CFAP57: variants seen among roughly 807,000 people sequenced by gnomAD.
CFAP57 encodes cilia and flagella associated protein 57.
In CFAP57, 116 loss-of-function variants were observed where a neutral mutation model predicts 146.8. The ratio of observed to expected loss-of-function variants is 0.79; its 90% CI spans 0.68 to 0.92. CFAP57 has a LOEUF of 0.92. Ranked by LOEUF, CFAP57 falls within the 40% of genes least tolerant of loss-of-function variation. CFAP57 has a pLI of 0.00. For missense variants in CFAP57, 1,377 were observed against 1,527.2 expected, an observed-to-expected ratio of 0.90 and a Z score of 1.64; for synonymous variants, 518 against 552.8, an observed-to-expected ratio of 0.94 and a Z score of 0.88.
intron 12 of CFAP57, among the ~76,000 whole-genome samples, chr1:43,218,887 C>T (rs903874644): frequency 2.6e-5 from 4 of 152,104 alleles, no homozygotes; most frequent in African/African-American, 9.7e-5. Flanking sequence ...ACATTGTTCC[C>T]GTACTTGGGA....
At chr1:43,198,739 A>G (rs1056541312) in intron 8 of CFAP57, 93 bp downstream of exon 8, 2 of 1,381,534 alleles carry the variant, frequency 1.4e-6, no homozygotes, top group Middle Eastern at 2.2e-4. Context: ...AGGTGGGACC[A>G]AAATCTGTCT....
intron 17 of CFAP57, among the ~76,000 whole-genome samples, chr1:43,226,088 G>A (rs920322696): frequency 7.2e-5 from 11 of 152,218 alleles, no homozygotes; most frequent in African/African-American, 2.2e-4. Context: ...CAGGAGAATC[G>A]CTTGAACTTG....
At chr1:43,178,459 C>G (rs1172134090) in intron 2 of CFAP57, among the ~76,000 whole-genome samples, 1 of 152,132 alleles carries the variant, frequency 6.6e-6, no homozygotes, top group African/African-American at 2.4e-5. Flanking sequence ...ACAACCCCAT[C>G]AAAAAGTGGG....
At chr1:43,195,709 C>A (rs936728252) in intron 6 of CFAP57, among the ~76,000 whole-genome samples, 1 of 151,968 alleles carries the variant, frequency 6.6e-6, no homozygotes, top group African/African-American at 2.4e-5. Context: ...ATAGATGATT[C>A]CTTAAAAATT....
chr1:43,199,560 A>G, intron 9 of CFAP57, 57 bp downstream of exon 9: 2 of 1,463,218 alleles, frequency 1.4e-6, no homozygotes, highest in Non-Finnish European at 1.9e-6. Flanking sequence ...GTATGCCGCC[A>G]GCCAGTGGGA....
At chr1:43,215,020 A>T (rs574661393) in intron 11 of CFAP57, among the ~76,000 whole-genome samples, 1 of 152,266 alleles carries the variant, frequency 6.6e-6, no homozygotes, top group Admixed American at 6.5e-5. Context: ...CGTTCTAGAT[A>T]ATAGCTGACT....
chr1:43,179,196 A>G (rs375137642), intron 2 of CFAP57, among the ~76,000 whole-genome samples: 1 of 152,246 alleles, frequency 6.6e-6, no homozygotes, highest in East Asian at 1.9e-4. Context: ...TGACTAGTTA[A>G]TGGGTGCAGC....
chr1:43,176,184 A>C (rs1290989673), intron 2 of CFAP57, among the ~76,000 whole-genome samples: 2 of 152,074 alleles, frequency 1.3e-5, no homozygotes, highest in Non-Finnish European at 2.9e-5. Context: ...AGAAACCCCC[A>C]ATGTTGGTCT....
chr1:43,246,674 A>G (rs1391347339), intron 22 of CFAP57, among the ~76,000 whole-genome samples: 1 of 152,220 alleles, frequency 6.6e-6, no homozygotes, highest in Non-Finnish European at 1.5e-5. Context: ...AAAAATAGAT[A>G]AGTTGTTTGT....
chr1:43,227,118 A>G lies in CFAP57; in HGVS notation c.3001A>G (p.Ile1001Val). ...ENEIRVMKEQ[I>V]QEMEAELENF... ...TGAGATCAGGGTGATGAAGGAACAG[A>G]TTCAGGAGGTAAGAAGCCATTTGCA... The change falls in exon 18 of 23, where the codon ATT (isoleucine) becomes GTT (valine). Residue 1001 changes from isoleucine (I) to valine (V), a missense_variant. Transcript: ENST00000372492. 6.5e-7 allele frequency: 1 copy of G among 1,533,150 alleles called. No homozygotes were observed. Among genetic ancestry groups the G allele is most frequent in the Non-Finnish European group, 8.8e-7 (1 of 1,139,564 alleles). The allele number at this position is 1,533,150 out of a possible 1,614,324, so 95.0% of individuals were successfully genotyped here.
At chr1:43,181,462 G>C (rs1234774873) in intron 2 of CFAP57, 72 bp from the exon 3 acceptor site, 25 of 1,572,380 alleles carry the variant, frequency 1.6e-5, no homozygotes, top group Middle Eastern at 3.3e-4. Flanking sequence ...GCCCACCACA[G>C]TGCCTGGTTC....
At chr1:43,202,990 G>A (rs1034969830) in intron 9 of CFAP57, among the ~76,000 whole-genome samples, 30 of 151,870 alleles carry the variant, frequency 2.0e-4, no homozygotes, top group Non-Finnish European at 1.5e-4. Context: ...TGGATAACAC[G>A]GTGAAACTCC....
chr1:43,212,656 T>C (rs1644664463), intron 11 of CFAP57, among the ~76,000 whole-genome samples: 1 of 145,242 alleles, frequency 6.9e-6, no homozygotes, highest in Non-Finnish European at 1.5e-5. Flanking sequence ...TTCTTTGACC[T>C]GGCACGTGGG....
chr1:43,226,020 A>T (rs1278815176), intron 17 of CFAP57, among the ~76,000 whole-genome samples: 2 of 152,096 alleles, frequency 1.3e-5, no homozygotes, highest in African/African-American at 4.8e-5. Flanking sequence ...CAAAAATATA[A>T]AAATTAGCCA....
At chr1:43,212,169 C>T (rs1266416689) in intron 11 of CFAP57, among the ~76,000 whole-genome samples, 1 of 152,170 alleles carries the variant, frequency 6.6e-6, no homozygotes, top group Admixed American at 6.5e-5. Flanking sequence ...ACATGGTCCA[C>T]AGTGTATGTA....
At chr1:43,251,878 G>A (rs925733800) in intron 22 of CFAP57, among the ~76,000 whole-genome samples, 5 of 152,148 alleles carry the variant, frequency 3.3e-5, no homozygotes, top group Non-Finnish European at 5.9e-5. Context: ...AAGAGGCAAC[G>A]TAAGTACATT....
chr1:43,199,918 G>A (rs1385412316), intron 9 of CFAP57, among the ~76,000 whole-genome samples: 1 of 152,222 alleles, frequency 6.6e-6, no homozygotes, highest in African/African-American at 2.4e-5. Flanking sequence ...AAACCGTGGG[G>A]TAAAGATGGG....
intron 22 of CFAP57, among the ~76,000 whole-genome samples, chr1:43,245,631 G>T (rs371099068): frequency 6.6e-6 from 1 of 152,128 alleles, no homozygotes; most frequent in Non-Finnish European, 1.5e-5. Context: ...GCTCAGGAAT[G>T]ATCAGAAGCA....
intron 9 of CFAP57, among the ~76,000 whole-genome samples, chr1:43,200,043 C>A (rs146846360): frequency 6.6e-6 from 1 of 151,590 alleles, no homozygotes; most frequent in Admixed American, 6.6e-5. Context: ...AGAATATGAC[C>A]GGATTTGCAT....
Sources: allele counts gnomAD v4.1 joint callset (sites outside exome capture counted in the v4.1 genomes callset), GRCh38; gene constraint gnomAD v4.1.1; transcripts MANE v1.5; gene names NCBI Gene and HGNC (gene_info 2026-07-23, HGNC 2026-07-21).